SYT1: variants seen among roughly 807,000 people sequenced by gnomAD.
The protein encoded by SYT1 is synaptotagmin 1.
In SYT1, 8 loss-of-function variants were observed where a neutral mutation model predicts 44.8. That is an observed-to-expected ratio of 0.18 (90% CI 0.10 to 0.32). The LOEUF is 0.32. Ranked by LOEUF, SYT1 falls within the 10% of genes least tolerant of loss-of-function variation. The probability of loss-of-function intolerance (pLI) is 1.00; values close to 1 mark genes in which losing one functional copy is unlikely to be tolerated. For missense variants in SYT1, 286 were observed against 509.3 expected, an observed-to-expected ratio of 0.56 and a Z score of 4.22; for synonymous variants, 154 against 188.8, an observed-to-expected ratio of 0.82 and a Z score of 1.51.
intron 1 of SYT1, among the ~76,000 whole-genome samples, chr12:78,871,824 G>C (rs1873836520): frequency 1.3e-5 from 2 of 151,828 alleles, no homozygotes; most frequent in African/African-American, 4.8e-5. Flanking sequence ...ACTGAATAAA[G>C]TGAACTATTG....
At chr12:79,337,401 A>C (rs538340207) in intron 8 of SYT1, among the ~76,000 whole-genome samples, 1 of 152,282 alleles carries the variant, frequency 6.6e-6, no homozygotes, top group South Asian at 2.1e-4. Context: ...CCAGAACTAA[A>C]AAGAGAAAAA....
chr12:79,055,699 T>A (rs901001428), intron 3 of SYT1, among the ~76,000 whole-genome samples: 1 of 152,056 alleles, frequency 6.6e-6, no homozygotes, highest in African/African-American at 2.4e-5. Context: ...ACGTTTCATA[T>A]GAGAATAATG....
chr12:79,051,748 C>T (rs12312727), intron 3 of SYT1, among the ~76,000 whole-genome samples: 25,912 of 151,920 alleles, frequency 0.17, 2,291 homozygotes, highest in East Asian at 0.24. Flanking sequence ...ATGAAGATCT[C>T]TATAGTGATA....
intron 2 of SYT1, among the ~76,000 whole-genome samples, chr12:78,989,136 C>T (rs78615158): frequency 3.9e-5 from 6 of 152,014 alleles, no homozygotes; most frequent in South Asian, 2.1e-4. Context: ...CCAACAGAAA[C>T]GGGTAGGGGA....
chr12:79,202,191 C>T (rs549382217), intron 3 of SYT1, among the ~76,000 whole-genome samples: 55 of 152,228 alleles, frequency 3.6e-4, no homozygotes, highest in African/African-American at 1.3e-3. Context: ...GTATATTCAT[C>T]AGTCTTATTA....
At chr12:78,904,638 T>C (rs946435094) in intron 1 of SYT1, among the ~76,000 whole-genome samples, 15 of 152,262 alleles carry the variant, frequency 9.9e-5, no homozygotes, top group African/African-American at 3.6e-4. Flanking sequence ...TTATTTGACA[T>C]TTGAAGGGAA....
intron 1 of SYT1, among the ~76,000 whole-genome samples, chr12:78,955,273 C>T (rs1251686675): frequency 6.6e-6 from 1 of 151,054 alleles, no homozygotes; most frequent in Non-Finnish European, 1.5e-5. Flanking sequence ...GTTGCTTGAT[C>T]GATTTTCAAA....
rs1332771416 is a variant in SYT1, at chr12:79,021,305, T to C, written c.-83-25992T>C. ...AAATGGAGCTAAAGCATAGAGATTC[T>C]ATCATGAGCCTAGTAAAATAGGAAC... On this transcript the variant is annotated intron_variant, in intron 2 of 10. Coordinates refer to ENST00000261205, the MANE Select transcript of SYT1 (RefSeq NM_005639.3). Among the ~76,000 whole-genome samples the C allele has an allele frequency of 1.3e-5, 2 of 152,012 alleles. 1 individual carries two copies. Among genetic ancestry groups the C allele is most frequent in the South Asian group, 4.1e-4 (2 of 4,828 alleles).
intron 3 of SYT1, among the ~76,000 whole-genome samples, chr12:79,130,406 C>T (rs1438181027): frequency 5.3e-5 from 8 of 152,170 alleles, no homozygotes; most frequent in Admixed American, 5.2e-4. Context: ...TCTCTAAACT[C>T]TCTGAGTCTC....
intron 1 of SYT1, among the ~76,000 whole-genome samples, chr12:78,966,245 GTTTA>G (rs897588128): frequency 1.2e-3 from 183 of 151,442 alleles, no homozygotes; most frequent in African/African-American, 3.7e-3. Context: ...TCATTTATTT[GTTTA>G]TTTGTTTATT....
intron 3 of SYT1, among the ~76,000 whole-genome samples, chr12:79,154,108 C>T (rs118138899): frequency 0.013 from 2,045 of 152,106 alleles, 25 homozygotes; most frequent in Non-Finnish European, 0.022. Flanking sequence ...TAGGCTGAGA[C>T]CTACTAGCTC....
chr12:78,908,745 T>C (rs1278564531), intron 1 of SYT1, among the ~76,000 whole-genome samples: 1 of 151,952 alleles, frequency 6.6e-6, no homozygotes, highest in Non-Finnish European at 1.5e-5. Flanking sequence ...ATAAAAAGAA[T>C]TCATGGAAAG....
At chr12:79,329,603 C>G (rs951883552) in intron 8 of SYT1, among the ~76,000 whole-genome samples, 3 of 152,298 alleles carry the variant, frequency 2.0e-5, no homozygotes, top group African/African-American at 7.2e-5. Flanking sequence ...TTAATCCTCA[C>G]AACCAGGTGA....
intron 3 of SYT1, among the ~76,000 whole-genome samples, chr12:79,107,258 T>C (rs189669426): frequency 1.3e-5 from 2 of 152,110 alleles, no homozygotes; most frequent in East Asian, 3.9e-4. Flanking sequence ...GAGAGTTTAC[T>C]AATGTTATTT....
At chr12:78,880,659 A>AAATATT (rs1164750397) in intron 1 of SYT1, among the ~76,000 whole-genome samples, 1 of 151,624 alleles carries the variant, frequency 6.6e-6, no homozygotes, top group Non-Finnish European at 1.5e-5. Context: ...CCAATGAAAA[A>AAATATT]AATATTAATT....
In SYT1 at chr12:78,998,197, C is replaced by T. The variant is rs188539071; in HGVS notation, c.-84+20266C>T. On this transcript the variant is annotated intron_variant, in intron 2 of 10. Transcript: ENST00000261205. ...ATTAGAAGTAATTTTATTTCATTTG[C>T]CTATGAAAAAGAAAAATATTGAAAT... Among the ~76,000 whole-genome samples, 12 of 152,160 alleles carry T rather than the reference C, an allele frequency of 7.9e-5. No homozygotes were observed. In the East Asian group the frequency reaches 2.1e-3, roughly 27 times the overall value.
intron 9 of SYT1, among the ~76,000 whole-genome samples, 191 bp from the exon 10 acceptor site, chr12:79,443,882 T>C (rs1391717047): frequency 6.6e-6 from 1 of 152,188 alleles, no homozygotes; most frequent in Non-Finnish European, 1.5e-5. Context: ...ACTATAAATA[T>C]TGAGCTATCA....
intron 8 of SYT1, among the ~76,000 whole-genome samples, chr12:79,312,478 A>G (rs1880856748): frequency 6.6e-6 from 1 of 152,156 alleles, no homozygotes; most frequent in Admixed American, 6.5e-5. Context: ...CCACTCCCCC[A>G]CACTGGATAG....
intron 8 of SYT1, among the ~76,000 whole-genome samples, chr12:79,310,378 C>T (rs1214083427): frequency 6.6e-6 from 1 of 151,966 alleles, no homozygotes; most frequent in Non-Finnish European, 1.5e-5. Context: ...TGATCTATAT[C>T]TCTGTTTTGG....
Sources: allele counts gnomAD v4.1 joint callset (sites outside exome capture counted in the v4.1 genomes callset), GRCh38; gene constraint gnomAD v4.1.1; transcripts MANE v1.5; gene names NCBI Gene and HGNC (gene_info 2026-07-23, HGNC 2026-07-21).